Variants in IPO11 observed in about 807,000 individuals in gnomAD.
The protein encoded by IPO11 is importin 11.
Under a neutral mutation model 143.2 loss-of-function variants are expected in IPO11, and 66 were observed. That is an observed-to-expected ratio of 0.46 (90% confidence interval 0.38 to 0.57). The LOEUF (loss-of-function observed/expected upper bound fraction) is 0.57, where lower values mean the gene tolerates loss of function less well. Ranked by LOEUF, IPO11 falls within the 20% of genes least tolerant of loss-of-function variation. The pLI, the probability that IPO11 is intolerant of heterozygous loss-of-function variation, is 0.00. For synonymous variants in IPO11, 385 were observed against 377.8 expected (o/e 1.02, Z -0.22); for missense variants, 1,026 against 1,141.0 (o/e 0.90, Z 1.45).
chr5:62,536,885 A>G, intron 23 of IPO11, 104 bp downstream of exon 23: 1 of 1,162,580 alleles, frequency 8.6e-7, no homozygotes, highest in Non-Finnish European at 1.1e-6. Flanking sequence ...TTGGTCTGTT[A>G]TTTTAAGACA....
At chr5:62,583,163 A>ATTTTT (rs1293163256) in intron 27 of IPO11, among the ~76,000 whole-genome samples, 4 of 152,040 alleles carry the variant, frequency 2.6e-5, no homozygotes, top group African/African-American at 9.7e-5. Context: ...TTAATAATGT[A>ATTTTT]TTTTTTTCTT....
intron 7 of IPO11, among the ~76,000 whole-genome samples, chr5:62,472,240 T>A (rs1292116799): frequency 6.6e-6 from 1 of 152,206 alleles, no homozygotes; most frequent in Non-Finnish European, 1.5e-5. Context: ...TCTCAGGAAT[T>A]ATATGCAATA....
At chr5:62,570,792 T>C (rs1744107857) in intron 27 of IPO11, among the ~76,000 whole-genome samples, 1 of 152,258 alleles carries the variant, frequency 6.6e-6, no homozygotes, top group South Asian at 2.1e-4. Flanking sequence ...TTATAGACAC[T>C]GAGTGCGCTT....
chr5:62,603,824 A>C (rs1182958633), intron 29 of IPO11, among the ~76,000 whole-genome samples: 1 of 152,256 alleles, frequency 6.6e-6, no homozygotes, highest in Admixed American at 6.5e-5. Context: ...GCAGTCATGC[A>C]CTGCTCAGCA....
At chr5:62,458,429 T>C (rs1745238251) in intron 5 of IPO11, among the ~76,000 whole-genome samples, 1 of 152,054 alleles carries the variant, frequency 6.6e-6, no homozygotes, top group Non-Finnish European at 1.5e-5. Context: ...GCCTCCTGAG[T>C]AGCTGGGATT....
At chr5:62,435,084 G>A (rs168687) in intron 1 of IPO11, among the ~76,000 whole-genome samples, 2,655 of 50,824 alleles carry the variant, frequency 0.052, 93 homozygotes, top group Non-Finnish European at 0.062. Flanking sequence ...ATATATATGT[G>A]TATATATGTA....
chr5:62,533,679 T>G (rs1046680181), intron 22 of IPO11, among the ~76,000 whole-genome samples: 2 of 152,190 alleles, frequency 1.3e-5, no homozygotes, highest in Non-Finnish European at 2.9e-5. Flanking sequence ...ATTATATTTT[T>G]CTAAGCAGAA....
Position 62,452,865 on chromosome 5 carries a change from A to G in IPO11, c.516+932A>G, listed in dbSNP as rs1744990572. 2.0e-5 allele frequency among the ~76,000 whole-genome samples: 3 copies of G among 150,054 alleles called. No homozygotes were observed. In the South Asian group the frequency reaches 6.3e-4, roughly 31 times the overall value. Reference sequence around the variant, plus strand: ...CCTCCTTGGCTCAAACCATCCTCCTACCTCAGCCTCACGAGTAGCTAGGAC... The same window carrying G: ...CCTCCTTGGCTCAAACCATCCTCCTGCCTCAGCCTCACGAGTAGCTAGGAC... On this transcript the variant is annotated intron_variant, in intron 5 of 29. Coordinates refer to ENST00000325324, the MANE Select transcript of IPO11 (RefSeq NM_016338.5).
intron 23 of IPO11, among the ~76,000 whole-genome samples, 161 bp downstream of exon 23, chr5:62,536,942 G>T (rs573375374): frequency 1.3e-5 from 2 of 152,262 alleles, no homozygotes; most frequent in South Asian, 4.1e-4. Context: ...CAGATGTGCT[G>T]CATGCAGTTC....
chr5:62,577,746 A>C (rs938963533), intron 27 of IPO11, among the ~76,000 whole-genome samples: 4 of 152,154 alleles, frequency 2.6e-5, no homozygotes, highest in African/African-American at 9.6e-5. Context: ...AGATAATGCT[A>C]GGTATTATTT....
Position 62,490,169 on chromosome 5 carries a change from A to T in IPO11, c.1412A>T (p.Asp471Val). Reference protein sequence around the residue: ...AYELFDSVDFDQWFKNQLLPE... With the variant: ...AYELFDSVDFVQWFKNQLLPE... ...GAGCTCTTTGACAGTGTTGATTTTG[A>T]TCAGTGGTTTAAAAACCAGCTTCTT... Residue 471 changes from aspartate to valine, a missense_variant, in exon 15 of 30, where the codon GAT (aspartate) becomes GTT (valine). This residue lies in a region of IPO11 where 237 missense variants were observed against 288.0 expected (regional missense o/e 0.82). Coordinates refer to ENST00000325324, the MANE Select transcript of IPO11 (RefSeq NM_016338.5). The T allele has an allele frequency of 6.2e-7, 1 of 1,606,074 alleles. No homozygotes were observed. Among genetic ancestry groups the T allele is most frequent in the Middle Eastern group, 1.7e-4 (1 of 5,938 alleles).
chr5:62,574,614 T>C (rs965903917), intron 27 of IPO11, among the ~76,000 whole-genome samples: 14 of 152,174 alleles, frequency 9.2e-5, no homozygotes, highest in Admixed American at 3.9e-4. Context: ...TTTTCTAAGT[T>C]GAAACAGCCC....
At chr5:62,510,576 C>G (rs1741710564) in intron 19 of IPO11, among the ~76,000 whole-genome samples, 1 of 152,148 alleles carries the variant, frequency 6.6e-6, no homozygotes, top group Non-Finnish European at 1.5e-5. Context: ...ATACTATTAT[C>G]TAATATCAAG....
rs138317874 is a variant in IPO11, at chr5:62,469,248, T to C, written c.650-1002T>C. Reference sequence around the variant, plus strand: ...AAGGGATTCAATTTGAATTCTGTTTTCTCCTTACGAAAACGAGGAAAACTT... The same window carrying C: ...AAGGGATTCAATTTGAATTCTGTTTCCTCCTTACGAAAACGAGGAAAACTT... On this transcript the variant is annotated intron_variant, in intron 6 of 29. Transcript: ENST00000325324. Among the ~76,000 whole-genome samples the C allele has an allele frequency of 2.0e-4, 30 of 152,250 alleles. No homozygotes were observed. In the East Asian group the frequency reaches 5.4e-3, roughly 27 times the overall value.
Position 62,504,908 on chromosome 5 carries a change from T to G in IPO11, c.1665+10T>G. ...AGATCAGTTTCTACCGGTAAGAATATACATTTCCAGGTATTTTTTTTAAAA... is the reference window on the plus strand; with the variant it reads ...AGATCAGTTTCTACCGGTAAGAATAGACATTTCCAGGTATTTTTTTTAAAA... On this transcript the variant is annotated intron_variant, in intron 18 of 29. Transcript: ENST00000325324. 1.3e-6 allele frequency: 2 copies of G among 1,497,154 alleles called. No individual in the cohort carries two copies. The highest frequency in any genetic ancestry group is 4.6e-5 in the East Asian group (2 of 43,162). 92.7% of individuals were successfully genotyped at this position (1,497,154 alleles called of 1,614,324 possible). A position where few individuals can be genotyped will look rare whatever the true frequency, so the allele number is the denominator to read the frequency against.
chr5:62,557,383 A>G (rs1015884282), intron 26 of IPO11, among the ~76,000 whole-genome samples: 1 of 152,066 alleles, frequency 6.6e-6, no homozygotes, highest in African/African-American at 2.4e-5. Context: ...GCGTTTCTCC[A>G]TGTTGGTCAG....
At chr5:62,417,121 T>G (rs1482145918) in intron 1 of IPO11, among the ~76,000 whole-genome samples, 1 of 68,644 alleles carries the variant, frequency 1.5e-5, no homozygotes, top group African/African-American at 4.1e-5. Context: ...TTTTTCTTAG[T>G]TTTTTTTTTT....
At chr5:62,579,398 T>TAGA (rs1744454023) in intron 27 of IPO11, 1 of 1,536,380 alleles carries the variant, frequency 6.5e-7, no homozygotes, top group Admixed American at 2.0e-5. Flanking sequence ...TCTCTTTTTA[T>TAGA]AGCCAATTCT....
At chr5:62,551,458 A>G (rs1481380420) in intron 26 of IPO11, 122 bp downstream of exon 26, 13 of 536,450 alleles carry the variant, frequency 2.4e-5, no homozygotes, top group Non-Finnish European at 3.6e-5. Flanking sequence ...TACATTTTAA[A>G]TCTTTATTTA....
Sources: gnomAD v4.1 joint callset for allele counts (sites outside exome capture counted in the v4.1 genomes callset) on GRCh38, gnomAD v4.1.1 for gene constraint, gnomAD v4.1.1 regional missense constraint, MANE v1.5 for transcripts, NCBI Gene and HGNC (gene_info 2026-07-23, HGNC 2026-07-21) for gene names.